Variants in SLCO4C1 observed in about 807,000 individuals in gnomAD.
SLCO4C1 encodes the protein solute carrier organic anion transporter family member 4C1.
A neutral mutation model predicts 72.1 loss-of-function variants in SLCO4C1; 58 were observed. The ratio of observed to expected loss-of-function variants is 0.80; its 90% CI spans 0.65 to 1.00. The LOEUF is 1.00. SLCO4C1 is among the 50% of genes least tolerant of loss of function. SLCO4C1 has a pLI of 0.00. For missense variants in SLCO4C1, 898 were observed against 857.9 expected (o/e 1.05, Z -0.58); for synonymous variants, 297 against 312.5 (o/e 0.95, Z 0.52).
intron 2 of SLCO4C1, among the ~76,000 whole-genome samples, chr5:102,286,468 C>A (rs191013954): frequency 6.6e-6 from 1 of 151,948 alleles, no homozygotes; most frequent in African/African-American, 2.4e-5. Context: ...ATTTACTTAT[C>A]GCATTTTAAA....
chr5:102,250,996 G>A (rs1026978445), intron 8 of SLCO4C1, among the ~76,000 whole-genome samples: 5 of 151,392 alleles, frequency 3.3e-5, no homozygotes, highest in African/African-American at 7.3e-5. Context: ...AAAAAAAATC[G>A]TAAAAAATAT....
chr5:102,284,814 G>A (rs533245994), intron 2 of SLCO4C1, among the ~76,000 whole-genome samples: 1 of 152,236 alleles, frequency 6.6e-6, no homozygotes, highest in African/African-American at 2.4e-5. Context: ...TAATGAGAAT[G>A]AGTTTGTGCT....
At chr5:102,241,489 A>C (rs1748538579) in intron 10 of SLCO4C1, among the ~76,000 whole-genome samples, 1 of 152,148 alleles carries the variant, frequency 6.6e-6, no homozygotes, top group South Asian at 2.1e-4. Flanking sequence ...AGTAAACAAC[A>C]AAATTTACAA....
At chr5:102,261,113 T>C (rs1748934561) in intron 5 of SLCO4C1, among the ~76,000 whole-genome samples, 1 of 152,180 alleles carries the variant, frequency 6.6e-6, no homozygotes, top group African/African-American at 2.4e-5. Flanking sequence ...TCTTTTTATA[T>C]AGAATGTTTA....
intron 2 of SLCO4C1, among the ~76,000 whole-genome samples, chr5:102,271,988 G>A (rs17148608): frequency 0.065 from 9,877 of 152,070 alleles, 1,002 homozygotes; most frequent in African/African-American, 0.21. Context: ...CCAGGTGATC[G>A]CAATAAGCCA....
rs377386351 is a variant in SLCO4C1, at chr5:102,247,212, G to A, written c.1811+40C>T. The A allele has an allele frequency of 9.3e-6, 13 of 1,400,254 alleles. No homozygotes were observed. In the East Asian group the frequency reaches 1.7e-4, roughly 18 times the overall value. The allele number at this position is 1,400,254 out of a possible 1,614,324, so 86.7% of individuals were successfully genotyped here. ...GAGTCCATTTGTTTTCCATCAACAT[G>A]TTGCCTTAGGGAATGAAAATTTCTC... On this transcript the variant is annotated intron_variant, in intron 10 of 12. Coordinates refer to ENST00000310954, the MANE Select transcript of SLCO4C1 (RefSeq NM_180991.5).
chr5:102,294,948 A>T (rs1233747904), intron 1 of SLCO4C1, among the ~76,000 whole-genome samples: 1 of 152,216 alleles, frequency 6.6e-6, no homozygotes, highest in Non-Finnish European at 1.5e-5. Flanking sequence ...TTATACAGAA[A>T]ATATTCTCGG....
intron 10 of SLCO4C1, among the ~76,000 whole-genome samples, chr5:102,244,941 T>C (rs1748610886): frequency 6.6e-6 from 1 of 152,164 alleles, no homozygotes; most frequent in African/African-American, 2.4e-5. Context: ...AGTAATCACC[T>C]GAAGGTACAA....
At chr5:102,245,270 C>T (rs1048080170) in intron 10 of SLCO4C1, among the ~76,000 whole-genome samples, 6 of 152,074 alleles carry the variant, frequency 3.9e-5, no homozygotes, top group Non-Finnish European at 5.9e-5. Flanking sequence ...GATGATAAAA[C>T]AAGATCCATT....
chr5:102,286,920 T>C (rs1749463328), intron 2 of SLCO4C1, among the ~76,000 whole-genome samples: 1 of 152,164 alleles, frequency 6.6e-6, no homozygotes, highest in Non-Finnish European at 1.5e-5. Context: ...TTTTTTCTAC[T>C]TACTAGCTAT....
intron 2 of SLCO4C1, among the ~76,000 whole-genome samples, chr5:102,286,750 T>TA (rs1749459203): frequency 2.0e-5 from 3 of 152,032 alleles, no homozygotes; most frequent in African/African-American, 7.2e-5. Context: ...AAGCTTCCCT[T>TA]AAAAAAACAC....
intron 9 of SLCO4C1, 28 bp from the exon 10 acceptor site, chr5:102,247,470 A>G: frequency 7.2e-7 from 1 of 1,381,816 alleles, no homozygotes; most frequent in East Asian, 2.3e-5. Context: ...AAAAACAATG[A>G]AAGTGATCAT....
chr5:102,238,305 T>C (rs1748476351), intron 12 of SLCO4C1, among the ~76,000 whole-genome samples: 2 of 152,180 alleles, frequency 1.3e-5, no homozygotes, highest in Admixed American at 1.3e-4. Context: ...AAACATTGTA[T>C]GTAGCCATGA....
intron 1 of SLCO4C1, among the ~76,000 whole-genome samples, chr5:102,295,228 A>T (rs1284840136): frequency 6.6e-6 from 1 of 152,236 alleles, no homozygotes; most frequent in Non-Finnish European, 1.5e-5. Flanking sequence ...ATCTGAACTG[A>T]ATCTGTAACT....
At chr5:102,291,279 GTTA>G (rs780953722) in intron 2 of SLCO4C1, 61 bp downstream of exon 2, 2 of 1,524,132 alleles carry the variant, frequency 1.3e-6, no homozygotes. Flanking sequence ...GCAATATAAA[GTTA>G]ATGACCTAGT....
Position 102,291,321 on chromosome 5 carries a change from CATAA to C in SLCO4C1, c.619+18_619+21del, listed in dbSNP as rs754029708. On this transcript the variant is annotated intron_variant, in intron 2 of 12. Coordinates refer to ENST00000310954, the MANE Select transcript of SLCO4C1 (RefSeq NM_180991.5). ...ATCCACTTCTTCAGATTAAAACAAA[CATAA>C]ACACAATAGAAACTTACCTTCAAAA... 6 of 1,602,660 alleles carry C rather than the reference CATAA, an allele frequency of 3.7e-6. No individual in the cohort carries two copies. The highest frequency in any genetic ancestry group is 3.4e-6 in the Non-Finnish European group (4 of 1,176,034).
chr5:102,292,904 C>A (rs1217049973), intron 1 of SLCO4C1, among the ~76,000 whole-genome samples: 2 of 151,750 alleles, frequency 1.3e-5, no homozygotes, highest in African/African-American at 2.4e-5. Flanking sequence ...TTAAACATTA[C>A]TATAAGTTGA....
chr5:102,247,442 C>A lies in SLCO4C1; in HGVS notation c.1621G>T (p.Val541Leu). 8 of 1,498,574 alleles carry A rather than the reference C, an allele frequency of 5.3e-6. No homozygotes were observed. Among genetic ancestry groups the A allele is most frequent in the Admixed American group, 2.0e-5 (1 of 49,238 alleles). The allele number at this position is 1,498,574 out of a possible 1,614,324, so 92.8% of individuals were successfully genotyped here. ...TCAATACAGGAACAGTTGTAATATA[C>A]CTAAAAATATTAGACATAAAAACAA... ...SNPVAHRKPK[V>L]YYNCSCIERK... The change falls in exon 10 of 13, where the codon GTA (valine) becomes TTA (leucine). Residue 541 changes from valine (V) to leucine (L), a missense_variant and splice_region_variant. Transcript: ENST00000310954.
At position 102,257,926 on chromosome 5, in the gene SLCO4C1, TAAAGAA is replaced by T. The variant is rs760228555; in HGVS notation, c.1273+11_1273+16del. ...GTAAAGTAAAATTTTTAGGTTAAGA[TAAAGAA>T]AATGTTTTACCTCCAAGAGTAGCTG... On this transcript the variant is annotated intron_variant, in intron 7 of 12. Transcript: ENST00000310954. 1 of 1,592,732 alleles carries T rather than the reference TAAAGAA, an allele frequency of 6.3e-7. No homozygotes were observed. The highest frequency in any genetic ancestry group is 8.5e-7 in the Non-Finnish European group (1 of 1,173,568).
Sources: gnomAD v4.1 joint callset for allele counts (sites outside exome capture counted in the v4.1 genomes callset) on GRCh38, gnomAD v4.1.1 for gene constraint, MANE v1.5 for transcripts, NCBI Gene and HGNC (gene_info 2026-07-23, HGNC 2026-07-21) for gene names.